GDAP1: variants seen among roughly 807,000 people sequenced by gnomAD.
GDAP1 encodes ganglioside-induced differentiation-associated protein 1.
GDAP1 carries 34 observed loss-of-function variants against 40.1 expected under a neutral mutation model. That is an observed-to-expected ratio of 0.85 (90% CI 0.64 to 1.13). GDAP1 has a LOEUF of 1.13. Ranked by LOEUF, GDAP1 falls within the 50% of genes most tolerant of loss-of-function variation. The pLI, the probability that GDAP1 is intolerant of heterozygous loss-of-function variation, is 0.00. For synonymous variants in GDAP1, 170 were observed against 157.4 expected, an observed-to-expected ratio of 1.08 and a Z score of -0.60; for missense variants, 374 against 433.7, an observed-to-expected ratio of 0.86 and a Z score of 1.22.
intron 2 of GDAP1, among the ~76,000 whole-genome samples, chr8:74,384,752 C>T (rs1810001327): frequency 1.3e-5 from 2 of 152,112 alleles, no homozygotes; most frequent in Non-Finnish European, 2.9e-5. Context: ...TCTCTGTCGC[C>T]AACGAAATGC....
At chr8:74,426,462 TA>T (rs1805948910) in intron 2 of GDAP1, among the ~76,000 whole-genome samples, 1 of 152,224 alleles carries the variant, frequency 6.6e-6, no homozygotes, top group Admixed American at 6.5e-5. Context: ...ACATTGCATT[TA>T]GAACAACTGT....
chr8:74,465,227 A>G (rs1326234197), intron 2 of GDAP1, among the ~76,000 whole-genome samples: 1 of 152,056 alleles, frequency 6.6e-6, no homozygotes, highest in Non-Finnish European at 1.5e-5. Context: ...CTCCAAAAAT[A>G]AATAAATAAA....
intron 2 of GDAP1, among the ~76,000 whole-genome samples, chr8:74,402,611 G>C (rs4366074): frequency 1 from 149,986 of 150,098 alleles, 74,938 homozygotes; most frequent in Non-Finnish European, 1. Flanking sequence ...CCTGGTACCT[G>C]AGATGGAAAT....
chr8:74,388,777 G>T (rs965905769), intron 2 of GDAP1, among the ~76,000 whole-genome samples: 2 of 152,192 alleles, frequency 1.3e-5, no homozygotes, highest in Non-Finnish European at 2.9e-5. Flanking sequence ...CGACAGTGAG[G>T]TGTTAAAGTC....
At chr8:74,444,549 A>G (rs1806205898) in intron 2 of GDAP1, among the ~76,000 whole-genome samples, 2 of 152,196 alleles carry the variant, frequency 1.3e-5, no homozygotes, top group African/African-American at 4.8e-5. Flanking sequence ...ATGATTATGC[A>G]ACTAAGTAAC....
chr8:74,469,541 G>A (rs561047107), intron 2 of GDAP1, among the ~76,000 whole-genome samples: 1 of 151,954 alleles, frequency 6.6e-6, no homozygotes, highest in South Asian at 2.1e-4. Context: ...GGTGGCGGGC[G>A]CCTGTAGTCC....
intron 2 of GDAP1, among the ~76,000 whole-genome samples, chr8:74,440,503 A>G (rs1806149466): frequency 6.6e-6 from 1 of 151,840 alleles, no homozygotes; most frequent in Non-Finnish European, 1.5e-5. Flanking sequence ...TTCTAAGTGT[A>G]TGTTTCTTGT....
chr8:74,377,963 A>G (rs1809885339), intron 2 of GDAP1, among the ~76,000 whole-genome samples: 1 of 152,222 alleles, frequency 6.6e-6, no homozygotes, highest in African/African-American at 2.4e-5. Flanking sequence ...AACCATTAAT[A>G]TGTACACTAA....
At chr8:74,416,792 G>T (rs1805785129) in intron 2 of GDAP1, among the ~76,000 whole-genome samples, 1 of 149,850 alleles carries the variant, frequency 6.7e-6, no homozygotes, top group South Asian at 2.1e-4. Flanking sequence ...CACCTTCAGG[G>T]ACTCCTGCTC....
At chr8:74,361,479 C>T (rs1221891696) in intron 3 of GDAP1, among the ~76,000 whole-genome samples, 1 of 152,060 alleles carries the variant, frequency 6.6e-6, no homozygotes, top group East Asian at 1.9e-4. Flanking sequence ...TCACTGCAAC[C>T]TCTGCTTCCT....
At chr8:74,412,134 A>G (rs1264568723) in intron 2 of GDAP1, among the ~76,000 whole-genome samples, 1 of 150,076 alleles carries the variant, frequency 6.7e-6, no homozygotes, top group Admixed American at 6.6e-5. Context: ...CAAGTTCACA[A>G]TCCTAATTAT....
chr8:74,488,516 T>C (rs1033357895), intron 2 of GDAP1, among the ~76,000 whole-genome samples: 16 of 152,198 alleles, frequency 1.1e-4, no homozygotes, highest in African/African-American at 3.6e-4. Context: ...GTGATTGTTA[T>C]GGATAGAGTG....
intron 2 of GDAP1, among the ~76,000 whole-genome samples, chr8:74,431,487 T>G (rs541157162): frequency 8.4e-4 from 128 of 151,958 alleles, no homozygotes; most frequent in African/African-American, 3.0e-3. Context: ...ATTTATTTAT[T>G]TATTTATTTT....
intron 2 of GDAP1, among the ~76,000 whole-genome samples, chr8:74,392,773 C>T (rs934670120): frequency 2.0e-5 from 3 of 152,140 alleles, no homozygotes; most frequent in Non-Finnish European, 4.4e-5. Context: ...CAGTTTTCCC[C>T]AAACACTTTT....
chr8:74,385,065 G>A (rs1005297091), intron 2 of GDAP1, among the ~76,000 whole-genome samples: 3 of 151,810 alleles, frequency 2.0e-5, no homozygotes, highest in Non-Finnish European at 4.4e-5. Context: ...AACTGGAAAG[G>A]GACTTTAAGG....
intron 2 of GDAP1, among the ~76,000 whole-genome samples, chr8:74,372,160 G>T (rs1809765492): frequency 1.3e-5 from 2 of 152,126 alleles, no homozygotes; most frequent in African/African-American, 4.8e-5. Context: ...TCTTAATCCA[G>T]TCTATCATTG....
chr8:74,433,697 G>A (rs928114753), intron 2 of GDAP1, among the ~76,000 whole-genome samples: 3 of 152,090 alleles, frequency 2.0e-5, no homozygotes, highest in African/African-American at 4.8e-5. Flanking sequence ...AGAGAGTTCT[G>A]GCATTTCCTT....
chr8:74,458,224 T>G (rs1806359793), intron 2 of GDAP1, among the ~76,000 whole-genome samples: 1 of 151,902 alleles, frequency 6.6e-6, no homozygotes, highest in African/African-American at 2.4e-5. Flanking sequence ...TAATCCCCAA[T>G]GAAGATTATT....
At chr8:74,379,695 G>T (rs1160284479) in intron 2 of GDAP1, among the ~76,000 whole-genome samples, 2 of 152,154 alleles carry the variant, frequency 1.3e-5, no homozygotes, top group African/African-American at 4.8e-5. Flanking sequence ...ACATAGCAGG[G>T]ATCTGGATCG....
Sources: allele counts gnomAD v4.1 joint callset (sites outside exome capture counted in the v4.1 genomes callset), GRCh38; gene constraint gnomAD v4.1.1; transcripts MANE v1.5; gene names NCBI Gene and HGNC (gene_info 2026-07-23, HGNC 2026-07-21).